KDF1: variants seen among roughly 807,000 people sequenced by gnomAD.
KDF1 encodes the protein keratinocyte differentiation factor 1.
A neutral mutation model predicts 31.6 loss-of-function variants in KDF1; 11 were observed. That is an observed-to-expected ratio of 0.35 (90% CI 0.22 to 0.58). The LOEUF (loss-of-function observed/expected upper bound fraction) is 0.58, where lower values mean the gene tolerates loss of function less well. KDF1 is among the 20% of genes least tolerant of loss of function. KDF1 has a pLI of 0.83. For synonymous variants in KDF1, 205 were observed against 214.4 expected, an observed-to-expected ratio of 0.96 and a Z score of 0.38; for missense variants, 476 against 549.1, an observed-to-expected ratio of 0.87 and a Z score of 1.33.
intron 1 of KDF1, among the ~76,000 whole-genome samples, chr1:26,959,352 C>A (rs898074344): frequency 3.3e-5 from 5 of 152,166 alleles, no homozygotes; most frequent in African/African-American, 1.2e-4. Context: ...GCCCCGCCAC[C>A]ACCCCGCCCA....
chr1:26,960,128 G>A lies in KDF1; in HGVS notation c.-33+222C>T, dbSNP rs939728048. ...TGAGTGCGGCCCCCGCACCCAGCCA[G>A]TGCAGCCCTAAGGGCGAACGCGGCC... is the stretch of plus-strand genomic sequence containing the variant. On this transcript the variant is annotated intron_variant, in intron 1 of 3. Transcript: ENST00000320567. This position sits in a 1 kb window ranked among gnomAD's most constrained non-coding sequence, Gnocchi z 4.9. Among the ~76,000 whole-genome samples the A allele has an allele frequency of 6.6e-6, 1 of 152,156 alleles. No homozygotes were observed. The highest frequency in any genetic ancestry group is 1.5e-5 in the Non-Finnish European group (1 of 67,998).
chr1:26,952,196 G>C lies in KDF1; in HGVS notation c.185C>G (p.Ser62Cys), dbSNP rs1312899616. The C allele has an allele frequency of 1.2e-6, 2 of 1,613,188 alleles. No individual in the cohort carries two copies. Among genetic ancestry groups the C allele is most frequent in the Middle Eastern group, 1.7e-4 (1 of 6,056 alleles). The change falls in exon 2 of 4, where the codon TCT becomes TGT. Residue 62 changes from serine (S) to cysteine (C), a missense_variant. By Grantham distance (112) the Ser-to-Cys change is moderately radical (BLOSUM62 -1). This residue lies in a region of KDF1 where 330 missense variants were observed against 332.3 expected (regional missense o/e 0.99). Transcript: ENST00000320567. This position sits in a 1 kb window ranked among gnomAD's most constrained non-coding sequence, Gnocchi z 4.1. ...HHGPESITFISGSAEPALESP... is the reference protein window; with the variant it reads ...HHGPESITFICGSAEPALESP... ...CTCAAGGGCCGGCTCAGCAGAGCCAGAGATGAAGGTAATGCTCTCTGGCCC... is the reference window on the plus strand; with the variant it reads ...CTCAAGGGCCGGCTCAGCAGAGCCACAGATGAAGGTAATGCTCTCTGGCCC...
intron 1 of KDF1, among the ~76,000 whole-genome samples, chr1:26,953,815 C>T (rs1214464325): frequency 1.3e-5 from 2 of 152,098 alleles, no homozygotes; most frequent in Middle Eastern, 3.4e-3. Flanking sequence ...ATTAGCTGGG[C>T]GTGGTGGTGC....
intron 1 of KDF1, among the ~76,000 whole-genome samples, chr1:26,955,102 C>T (rs964090851): frequency 6.6e-6 from 1 of 151,996 alleles, no homozygotes; most frequent in Admixed American, 6.6e-5. Context: ...AGGTGATCTG[C>T]CCACCTCAAC....
Position 26,951,461 on chromosome 1 carries a change from C to T in KDF1, c.920G>A (p.Arg307Gln), listed in dbSNP as rs1306524391. 3 of 1,613,904 alleles carry T rather than the reference C, an allele frequency of 1.9e-6. No individual in the cohort carries two copies. Among genetic ancestry groups the T allele is most frequent in the South Asian group, 1.1e-5 (1 of 91,076 alleles). The part of the protein sequence containing the change: ...LVRGIIRIST[R>Q]KSRARPQTSE... The stretch of plus-strand genomic sequence containing the variant: ...GGTCTGTGGGCGAGCACGGCTCTTT[C>T]GGGTACTAATGCGAATGATGCCGCG... Residue 307 changes from arginine (R) to glutamine (Q), a missense_variant, in exon 2 of 4, where the codon CGA (arginine) becomes CAA (glutamine). Arg to Gln is a conservative substitution (Grantham distance 43). Around this residue, in one of 2 missense-constraint regions of KDF1, gnomAD observed 146 missense variants for 216.8 expected, o/e 0.67. Transcript: ENST00000320567. This position sits in a 1 kb window ranked among gnomAD's most constrained non-coding sequence, Gnocchi z 5.4.
In KDF1 at chr1:26,952,076, C is replaced by T. The variant is rs982450139; in HGVS notation, c.305G>A (p.Cys102Tyr). 32 of 1,613,296 alleles carry T rather than the reference C, an allele frequency of 2.0e-5. No homozygotes were observed. Among genetic ancestry groups the T allele is most frequent in the Non-Finnish European group, 2.5e-5 (29 of 1,179,926 alleles). ...GCTGCATCCCCGCACACAGGCTCCA[C>T]AGCGCTGGAGGCAATCCCGGCAGCG... ...FRRCRDCLQR[C>Y]GACVRGCSPC... The change falls in exon 2 of 4, where the codon TGT becomes TAT. Residue 102 changes from cysteine to tyrosine, a missense_variant. Cys to Tyr is a radical substitution (Grantham distance 194). Coordinates refer to ENST00000320567, the MANE Select transcript of KDF1 (RefSeq NM_152365.3). The surrounding 1 kb of genome is among the most constrained non-coding windows in gnomAD (Gnocchi z 4.1).
rs758651584 is a variant in KDF1 at position 26,951,671 on chromosome 1, C to T, written c.710G>A (p.Arg237Gln). The T allele has an allele frequency of 6.2e-7, 1 of 1,613,872 alleles. No individual in the cohort carries two copies. Among genetic ancestry groups the T allele is most frequent in the Non-Finnish European group, 8.5e-7 (1 of 1,180,022 alleles). The change falls in exon 2 of 4, where the codon CGA (arginine) becomes CAA (glutamine). Residue 237 changes from arginine (R) to glutamine (Q), a missense_variant. By Grantham distance (43) the Arg-to-Gln change is conservative (BLOSUM62 1). This residue lies in a region of KDF1 where 330 missense variants were observed against 332.3 expected (regional missense o/e 0.99). Coordinates refer to ENST00000320567, the MANE Select transcript of KDF1 (RefSeq NM_152365.3). The surrounding 1 kb of genome is among the most constrained non-coding windows in gnomAD (Gnocchi z 5.4). ...CTTGAAGATGAGCACATCAATTTCT[C>T]GGCTCGACATGGAGCCACTGCCCAT... ...PEMGSGSMSS[R>Q]EIDVLIFKKL...
At chr1:26,957,553 A>G (rs991192889) in intron 1 of KDF1, among the ~76,000 whole-genome samples, 4 of 152,174 alleles carry the variant, frequency 2.6e-5, no homozygotes, top group African/African-American at 9.7e-5. Context: ...AACCAGCGCC[A>G]CTGGGTACAA....
At chr1:26,956,592 A>G (rs1013475873) in intron 1 of KDF1, among the ~76,000 whole-genome samples, 1 of 152,248 alleles carries the variant, frequency 6.6e-6, no homozygotes, top group African/African-American at 2.4e-5. Context: ...GTTGAGAAAC[A>G]TGACAACTAA....
Position 26,951,268 on chromosome 1 carries a change from A to G in KDF1, c.1039+74T>C. 2.9e-6 allele frequency: 4 copies of G among 1,377,846 alleles called. No homozygotes were observed. Among genetic ancestry groups the G allele is most frequent in the East Asian group, 2.5e-5 (1 of 39,598 alleles). 85.4% of individuals were successfully genotyped at this position (1,377,846 alleles called of 1,614,324 possible). A position where few individuals can be genotyped will look rare whatever the true frequency, so the allele number is the denominator to read the frequency against. ...TGAGGGGTAGACCCACAGTGACTAAAGACCCCATTCCAACCCTCCCCTGGC... is the reference window on the plus strand; with the variant it reads ...TGAGGGGTAGACCCACAGTGACTAAGGACCCCATTCCAACCCTCCCCTGGC... On this transcript the variant is annotated intron_variant, in intron 2 of 3. Coordinates refer to ENST00000320567, the MANE Select transcript of KDF1 (RefSeq NM_152365.3). The surrounding 1 kb of genome is among the most constrained non-coding windows in gnomAD (Gnocchi z 5.4).
rs143721921 is a variant in KDF1, at chr1:26,952,259, C to T, written c.122G>A (p.Arg41His). 36 of 1,585,796 alleles carry T rather than the reference C, an allele frequency of 2.3e-5. 2 individuals are homozygous for T. The South Asian group carries it at 3.3e-4, about 15-fold the overall frequency. ...DKPPQPPPSR[R>H]TRRPDPKDPG... Reference sequence around the variant, plus strand: ...GTCCTTGGGGTCTGGTCTACGGGTGCGGCGGCTTGGTGGGGGCTGAGGTGG... The same window carrying T: ...GTCCTTGGGGTCTGGTCTACGGGTGTGGCGGCTTGGTGGGGGCTGAGGTGG... The change falls in exon 2 of 4, where the codon CGC becomes CAC. Residue 41 changes from arginine to histidine, a missense_variant. Transcript: ENST00000320567. This position sits in a 1 kb window ranked among gnomAD's most constrained non-coding sequence, Gnocchi z 4.1.
At chr1:26,958,232 G>C (rs2082386044) in intron 1 of KDF1, among the ~76,000 whole-genome samples, 1 of 150,992 alleles carries the variant, frequency 6.6e-6, no homozygotes, top group African/African-American at 2.4e-5. Context: ...CTGCCTCCCG[G>C]GTGCAAGCGA....
chr1:26,950,153 T>G lies in KDF1; in HGVS notation c.1115-2A>C, dbSNP rs1445906732. The G allele has an allele frequency of 6.2e-7, 1 of 1,612,150 alleles. No homozygotes were observed. Among genetic ancestry groups the G allele is most frequent in the Non-Finnish European group, 8.5e-7 (1 of 1,178,668 alleles). On this transcript the variant is annotated splice_acceptor_variant, in intron 3 of 3. Coordinates refer to ENST00000320567, the MANE Select transcript of KDF1 (RefSeq NM_152365.3). LOFTEE classifies it high-confidence loss of function. The surrounding 1 kb of genome is among the most constrained non-coding windows in gnomAD (Gnocchi z 4.0). ...ATGAGTCATGGCTTGCTGGGTACCC[T>G]GGTAGGAAGGAGAGGAGAGGAGGAA...
At chr1:26,953,321 G>A (rs531042484) in intron 1 of KDF1, among the ~76,000 whole-genome samples, 2 of 152,314 alleles carry the variant, frequency 1.3e-5, no homozygotes, top group East Asian at 1.9e-4. Flanking sequence ...TGGTGGGAAT[G>A]TAAAATGGTG....
At chr1:26,954,769 G>A (rs1344050361) in intron 1 of KDF1, among the ~76,000 whole-genome samples, 8 of 146,646 alleles carry the variant, frequency 5.5e-5, no homozygotes, top group Admixed American at 5.4e-4. Flanking sequence ...GGAGGCAGAA[G>A]TTGAAGTGAG....
At position 26,955,682 on chromosome 1, in the gene KDF1, C is replaced by G. The variant is rs2082374373; in HGVS notation, c.-32-3270G>C. 2.6e-5 allele frequency among the ~76,000 whole-genome samples: 4 copies of G among 152,180 alleles called. No individual in the cohort carries two copies. The South Asian group carries it at 8.3e-4, about 32-fold the overall frequency. On this transcript the variant is annotated intron_variant, in intron 1 of 3. Transcript: ENST00000320567. ...AAAAGTTTGTAAGATGAGGGCCGGGCACAGTGGCTCATGCCGGTAATCCCA... is the reference window on the plus strand; with the variant it reads ...AAAAGTTTGTAAGATGAGGGCCGGGGACAGTGGCTCATGCCGGTAATCCCA...
At position 26,950,134 on chromosome 1, in the gene KDF1, C is replaced by A; in HGVS notation, c.1132G>T (p.Asp378Tyr). 1 of 1,613,782 alleles carries A rather than the reference C, an allele frequency of 6.2e-7. No homozygotes were observed. The highest frequency in any genetic ancestry group is 1.1e-5 in the South Asian group (1 of 91,026). Residue 378 changes from aspartate to tyrosine, a missense_variant, in exon 4 of 4, where the codon GAC (aspartate) becomes TAC (tyrosine). Transcript: ENST00000320567. This position sits in a 1 kb window ranked among gnomAD's most constrained non-coding sequence, Gnocchi z 4.0. ...GTGTCGGTGCCCTGGAAGGATGAGT[C>A]ATGGCTTGCTGGGTACCCTGGTAGG... ...YGAPGYPASH[D>Y]SSFQGTDTDS...
At position 26,951,269 on chromosome 1, in the gene KDF1, G is replaced by T. The variant is rs903096968; in HGVS notation, c.1039+73C>A. 9 of 1,378,418 alleles carry T rather than the reference G, an allele frequency of 6.5e-6. No individual in the cohort carries two copies. In the Admixed American group the frequency reaches 8.3e-5, roughly 13 times the overall value. The allele number at this position is 1,378,418 out of a possible 1,614,324, so 85.4% of individuals were successfully genotyped here. A position where few individuals can be genotyped will look rare whatever the true frequency, so the allele number is the denominator to read the frequency against. ...GAGGGGTAGACCCACAGTGACTAAA[G>T]ACCCCATTCCAACCCTCCCCTGGCC... On this transcript the variant is annotated intron_variant, in intron 2 of 3. Coordinates refer to ENST00000320567, the MANE Select transcript of KDF1 (RefSeq NM_152365.3). This position sits in a 1 kb window ranked among gnomAD's most constrained non-coding sequence, Gnocchi z 5.4.
At position 26,950,881 on chromosome 1, in the gene KDF1, C is replaced by G. The variant is rs1192837067; in HGVS notation, c.1040-125G>C. 1.2e-6 allele frequency: 1 copy of G among 811,460 alleles called. No homozygotes were observed. The highest frequency in any genetic ancestry group is 2.6e-5 in the East Asian group (1 of 38,270). The allele number at this position is 811,460 out of a possible 1,614,324, so 50.3% of individuals were successfully genotyped here. The stretch of plus-strand genomic sequence containing the variant: ...CCTGGGCAGGGCTAGAAAAATAATG[C>G]TTAAAGACAGAGACATAGACAACGT... On this transcript the variant is annotated intron_variant, in intron 2 of 3. Transcript: ENST00000320567. This position sits in a 1 kb window ranked among gnomAD's most constrained non-coding sequence, Gnocchi z 4.0.
Sources: allele counts gnomAD v4.1 joint callset (sites outside exome capture counted in the v4.1 genomes callset), GRCh38; gene constraint gnomAD v4.1.1; regional missense constraint gnomAD v4.1.1; non-coding constraint Gnocchi (gnomAD v3.1); transcripts MANE v1.5; gene names NCBI Gene and HGNC (gene_info 2026-07-23, HGNC 2026-07-21).